DLGAP2: variants seen among roughly 807,000 people sequenced by gnomAD.
The protein encoded by DLGAP2 is DLG associated protein 2, also known as disks large-associated protein 2.
In DLGAP2, 26 loss-of-function variants were observed where a neutral mutation model predicts 100.3. The observed-to-expected ratio is 0.26, with a 90% CI of 0.19 to 0.36. The LOEUF is 0.36. Ranked by LOEUF, DLGAP2 falls within the 10% of genes least tolerant of loss-of-function variation. The pLI, the probability that DLGAP2 is intolerant of heterozygous loss-of-function variation, is 1.00. For synonymous variants in DLGAP2, 886 were observed against 630.1 expected (o/e 1.41, Z -6.08); for missense variants, 1,858 against 1,453.2 (o/e 1.28, Z -4.53).
chr8:1,231,153 C>A (rs1270567626), intron 2 of DLGAP2, among the ~76,000 whole-genome samples: 2 of 152,082 alleles, frequency 1.3e-5, no homozygotes, highest in Non-Finnish European at 2.9e-5. Flanking sequence ...AAGCAAAAAA[C>A]AAATAGCCCC....
intron 2 of DLGAP2, among the ~76,000 whole-genome samples, chr8:1,155,222 G>A (rs1446750817): frequency 6.6e-6 from 1 of 152,212 alleles, no homozygotes; most frequent in African/African-American, 2.4e-5. Flanking sequence ...CTTGCTGGAT[G>A]AGTGAACAGA....
rs116415828 is a variant in DLGAP2, at chr8:1,021,241, G to A, written c.73+113275G>A. 4.0e-3 allele frequency among the ~76,000 whole-genome samples: 604 copies of A among 152,256 alleles called. 5 individuals carry two copies. Among genetic ancestry groups the A allele is most frequent in the African/African-American group, 0.014 (564 of 41,544 alleles). On this transcript the variant is annotated intron_variant, in intron 2 of 14. Coordinates refer to ENST00000637795, the MANE Select transcript of DLGAP2 (RefSeq NM_001346810.2). ...ATCAGAAACATAAGAAGGATGGAAC[G>A]CATAGATTTGCTGATTTTTCCAGGT...
chr8:988,219 G>T (rs1236572302), intron 2 of DLGAP2, among the ~76,000 whole-genome samples: 2 of 152,156 alleles, frequency 1.3e-5, no homozygotes, highest in African/African-American at 2.4e-5. Context: ...TATTCAGATA[G>T]AGAAATAGGT....
chr8:1,256,153 T>C (rs1799207012), intron 2 of DLGAP2, among the ~76,000 whole-genome samples: 1 of 127,656 alleles, frequency 7.8e-6, no homozygotes, highest in Non-Finnish European at 1.6e-5. Flanking sequence ...CATGCCTGGG[T>C]GCTGTGTGTG....
At chr8:1,350,409 T>A (rs1290604536) in intron 3 of DLGAP2, among the ~76,000 whole-genome samples, 2 of 66,652 alleles carry the variant, frequency 3.0e-5, no homozygotes, top group African/African-American at 1.1e-4. Flanking sequence ...GGGTCCTGAC[T>A]GTGCGTGGAA....
At chr8:1,314,267 T>G (rs540427046) in intron 3 of DLGAP2, among the ~76,000 whole-genome samples, 1 of 152,342 alleles carries the variant, frequency 6.6e-6, no homozygotes, top group South Asian at 2.1e-4. Flanking sequence ...TGAAATACTT[T>G]TGGTCACTGA....
intron 12 of DLGAP2, among the ~76,000 whole-genome samples, chr8:1,687,624 A>G (rs1431867646): frequency 6.6e-6 from 1 of 152,242 alleles, no homozygotes; most frequent in Non-Finnish European, 1.5e-5. Context: ...TATTCCCTTT[A>G]TAATAACTCT....
At chr8:837,532 C>T (rs932892877) in intron 1 of DLGAP2, among the ~76,000 whole-genome samples, 2 of 151,956 alleles carry the variant, frequency 1.3e-5, no homozygotes, top group African/African-American at 2.4e-5. Flanking sequence ...TAGTAAGTAG[C>T]GGTGCAGACG....
chr8:1,411,108 C>T (rs146542221), intron 3 of DLGAP2, among the ~76,000 whole-genome samples: 1 of 152,124 alleles, frequency 6.6e-6, no homozygotes, highest in Non-Finnish European at 1.5e-5. Flanking sequence ...TTCAGGTATT[C>T]AGTCGTGGTC....
At chr8:1,017,778 G>C (rs1474063560) in intron 2 of DLGAP2, among the ~76,000 whole-genome samples, 1 of 151,994 alleles carries the variant, frequency 6.6e-6, no homozygotes, top group Non-Finnish European at 1.5e-5. Flanking sequence ...AGACTCGTCT[G>C]AGTGCAAGTG....
At chr8:1,582,634 G>C (rs1245333551) in intron 6 of DLGAP2, among the ~76,000 whole-genome samples, 2 of 152,066 alleles carry the variant, frequency 1.3e-5, no homozygotes, top group Non-Finnish European at 2.9e-5. Context: ...CCGTCACCCA[G>C]GCTGGAGTGT....
intron 6 of DLGAP2, among the ~76,000 whole-genome samples, chr8:1,576,884 A>T (rs1170951913): frequency 6.6e-6 from 1 of 152,166 alleles, no homozygotes; most frequent in African/African-American, 2.4e-5. Context: ...CCATCAAGCT[A>T]CCAATGCCTT....
At chr8:1,359,753 G>C (rs976797507) in intron 3 of DLGAP2, among the ~76,000 whole-genome samples, 14 of 152,270 alleles carry the variant, frequency 9.2e-5, no homozygotes, top group African/African-American at 3.4e-4. Context: ...TGTGGATATT[G>C]GAGGGAGGGC....
At chr8:1,523,624 G>C (rs1395318002) in intron 4 of DLGAP2, among the ~76,000 whole-genome samples, 1 of 152,212 alleles carries the variant, frequency 6.6e-6, no homozygotes, top group Non-Finnish European at 1.5e-5. Context: ...TGGATCTGCA[G>C]GGCAGGGCTT....
chr8:1,387,823 A>C (rs1796254620), intron 3 of DLGAP2, among the ~76,000 whole-genome samples: 1 of 152,158 alleles, frequency 6.6e-6, no homozygotes, highest in Non-Finnish European at 1.5e-5. Flanking sequence ...AAAGGCATGA[A>C]ATTGTCCAGG....
intron 2 of DLGAP2, among the ~76,000 whole-genome samples, chr8:986,609 G>T (rs1800493909): frequency 6.6e-6 from 1 of 151,888 alleles, no homozygotes; most frequent in South Asian, 2.1e-4. Context: ...AGGAGAAAAG[G>T]AGACTAATAA....
chr8:1,628,042 G>A lies in DLGAP2; in HGVS notation c.1590+1155G>A, dbSNP rs112357525. 3.2e-4 allele frequency among the ~76,000 whole-genome samples: 36 copies of A among 112,768 alleles called. 1 individual carries two copies. The highest frequency in any genetic ancestry group is 6.3e-4 in the African/African-American group (16 of 25,460). 74.0% of individuals were successfully genotyped at this position (112,768 alleles called of 152,430 possible). On this transcript the variant is annotated intron_variant, in intron 7 of 14. Transcript: ENST00000637795. ...TCTGTCTGACTTACTGTGGAGCAGG[G>A]ATTAAGAGCTTGAGCCAACCTCACA...
intron 6 of DLGAP2, chr8:1,621,069 C>G (rs1029342809): frequency 6.6e-6 from 1 of 152,284 alleles, no homozygotes; most frequent in East Asian, 1.9e-4. Flanking sequence ...ACACTGTCAA[C>G]TACACGAGTG....
At chr8:1,223,843 T>C (rs1798363907) in intron 2 of DLGAP2, among the ~76,000 whole-genome samples, 1 of 152,242 alleles carries the variant, frequency 6.6e-6, no homozygotes, top group African/African-American at 2.4e-5. Flanking sequence ...ATGCTCTATA[T>C]GTGTATATTT....
Sources: allele counts gnomAD v4.1 joint callset (sites outside exome capture counted in the v4.1 genomes callset), GRCh38; gene constraint gnomAD v4.1.1; transcripts MANE v1.5; gene names NCBI Gene and HGNC (gene_info 2026-07-23, HGNC 2026-07-21).